The following RBM19 variants were observed in gnomAD, a reference collection of about 807,000 sequenced individuals.
RBM19 encodes the protein probable RNA-binding protein 19.
RBM19 carries 94 observed loss-of-function variants against 116.8 expected under a neutral mutation model. The observed-to-expected ratio is 0.80, with a 90% CI of 0.68 to 0.95. The LOEUF (loss-of-function observed/expected upper bound fraction) is 0.95, where lower values mean the gene tolerates loss of function less well. RBM19 is among the 40% of genes least tolerant of loss of function. The pLI is 0.00. For missense variants in RBM19, 1,161 were observed against 1,220.7 expected (o/e 0.95, Z 0.73); for synonymous variants, 475 against 494.1 (o/e 0.96, Z 0.51).
At chr12:113,914,138 A>C (rs959676580) in intron 21 of RBM19, among the ~76,000 whole-genome samples, 1 of 152,246 alleles carries the variant, frequency 6.6e-6, no homozygotes, top group African/African-American at 2.4e-5. Flanking sequence ...TTGTTTTTAA[A>C]AAGTGAATTA....
At chr12:113,901,396 CCTT>C (rs1881677216) in intron 21 of RBM19, among the ~76,000 whole-genome samples, 1 of 152,128 alleles carries the variant, frequency 6.6e-6, no homozygotes, top group Non-Finnish European at 1.5e-5. Flanking sequence ...GAGGATTCTA[CCTT>C]CTTTGACCCC....
downstream of RBM19, among the ~76,000 whole-genome samples, chr12:113,821,373 T>C (rs953495485): frequency 2.0e-5 from 3 of 152,042 alleles, no homozygotes; most frequent in African/African-American, 7.2e-5. Context: ...TGAGTACAAA[T>C]TGTATAGACC....
rs1881837711 is a variant in RBM19 at position 113,903,429 on chromosome 12, C to T, written c.2558+11540G>A. Reference sequence around the variant, plus strand: ...TATCCACTCATCAGCTGACAGACATCTGTTTTTGTGTGAACGTGAGTTGTC... The same window carrying T: ...TATCCACTCATCAGCTGACAGACATTTGTTTTTGTGTGAACGTGAGTTGTC... On this transcript the variant is annotated intron_variant, in intron 21 of 23. Transcript: ENST00000261741. This position sits in a 1 kb window ranked among gnomAD's most constrained non-coding sequence, Gnocchi z 5.1. Among the ~76,000 whole-genome samples, 1 of 152,190 alleles carries T rather than the reference C, an allele frequency of 6.6e-6. No individual in the cohort carries two copies. The highest frequency in any genetic ancestry group is 2.1e-4 in the South Asian group (1 of 4,828).
chr12:113,947,375 C>A lies in RBM19; in HGVS notation c.1366G>T (p.Ala456Ser), dbSNP rs780824297. 1.6e-5 allele frequency: 26 copies of A among 1,608,926 alleles called. No individual in the cohort carries two copies. Among genetic ancestry groups the A allele is most frequent in the South Asian group, 2.2e-5 (2 of 90,910 alleles). The change falls in exon 11 of 24, where the codon GCT (alanine) becomes TCT (serine). Residue 456 changes from alanine (A) to serine (S), a missense_variant. Physicochemically the swap from Ala to Ser is moderately conservative, Grantham distance 99 (BLOSUM62 1). Transcript: ENST00000261741. ...AFITFMFPEH[A>S]VKAYSEVDGQ... ...TCCACCTCCGAGTAGGCCTTCACAG[C>A]GTGCTCAGGGAACATGAAGGTGATG... is the stretch of plus-strand genomic sequence containing the variant.
intron 14 of RBM19, among the ~76,000 whole-genome samples, chr12:113,941,552 C>CCCATCCATCCATCCATCCATCCATCCAT (rs1197172785): frequency 0.082 from 12,424 of 151,358 alleles, 572 homozygotes; most frequent in East Asian, 0.14. Context: ...CATCTATCTA[C>CCCATCCATCCATCCATCCATCCATCCAT]CCATCCATCC....
chr12:113,959,817 C>T (rs1445638613), intron 4 of RBM19, 48 bp downstream of exon 4: 2 of 1,605,386 alleles, frequency 1.2e-6, no homozygotes, highest in Non-Finnish European at 1.7e-6. Context: ...CACCCTCTTC[C>T]ACCTGCTGCC....
chr12:113,950,331 T>C (rs565922540), intron 8 of RBM19, among the ~76,000 whole-genome samples, 177 bp from the exon 9 acceptor site: 1 of 152,246 alleles, frequency 6.6e-6, no homozygotes, highest in Non-Finnish European at 1.5e-5. Flanking sequence ...ACAGCCAAAT[T>C]TCCCTCTGCA....
chr12:113,947,188 A>C, intron 11 of RBM19, 146 bp downstream of exon 11: 1 of 1,048,486 alleles, frequency 9.5e-7, no homozygotes. Context: ...GGCTTGAGTG[A>C]GGCAGTGACT....
intron 21 of RBM19, among the ~76,000 whole-genome samples, chr12:113,874,685 C>G (rs956606331): frequency 2.0e-5 from 3 of 152,214 alleles, no homozygotes; most frequent in Non-Finnish European, 2.9e-5. Flanking sequence ...GAAAAAGAGG[C>G]TGAGGAGATG....
intron 23 of RBM19, among the ~76,000 whole-genome samples, chr12:113,831,254 C>CTG (rs1875384332): frequency 6.6e-6 from 1 of 152,200 alleles, no homozygotes; most frequent in African/African-American, 2.4e-5. Context: ...AGTGTGGTCT[C>CTG]TGCTCTTTTC....
At chr12:113,857,182 G>A (rs1243360924) in intron 22 of RBM19, among the ~76,000 whole-genome samples, 4 of 152,350 alleles carry the variant, frequency 2.6e-5, no homozygotes, top group South Asian at 4.1e-4. Context: ...GAATGCAGTG[G>A]AGAAAAGACG....
At chr12:113,850,451 C>T (rs759370598) in intron 22 of RBM19, among the ~76,000 whole-genome samples, 4 of 152,230 alleles carry the variant, frequency 2.6e-5, no homozygotes, top group Non-Finnish European at 4.4e-5. Context: ...GGCCTCCTGC[C>T]GCCTTTTCTG....
At position 113,920,500 on chromosome 12, in the gene RBM19, C is replaced by T. The variant is rs186527994; in HGVS notation, c.2385+111G>A. ...AGAGATCTGGGAAAAGCAATGGGCC[C>T]GGTCAAGTGTAGACTTCATACATAT... On this transcript the variant is annotated intron_variant, in intron 19 of 23. Coordinates refer to ENST00000261741, the MANE Select transcript of RBM19 (RefSeq NM_016196.4). 5.6e-5 allele frequency: 56 copies of T among 994,966 alleles called. No individual in the cohort carries two copies. The East Asian group carries it at 8.1e-4, about 14-fold the overall frequency. The allele number at this position is 994,966 out of a possible 1,614,324, so 61.6% of individuals were successfully genotyped here.
At chr12:113,886,617 G>A (rs768087699) in intron 21 of RBM19, among the ~76,000 whole-genome samples, 2 of 152,242 alleles carry the variant, frequency 1.3e-5, no homozygotes, top group Non-Finnish European at 2.9e-5. Context: ...CTGTGGTGTG[G>A]CCTTTCTCAG....
At chr12:113,830,711 G>A (rs112214066) in intron 23 of RBM19, among the ~76,000 whole-genome samples, 3,671 of 152,174 alleles carry the variant, frequency 0.024, 147 homozygotes, top group African/African-American at 0.084. Flanking sequence ...CACTGCAGAG[G>A]GAAAAGGGAA....
rs116838532 is a variant in RBM19, at chr12:113,922,180, C to T, written c.2306-1490G>A. On this transcript the variant is annotated intron_variant, in intron 18 of 23. Transcript: ENST00000261741. ...TTAATGCCCCTCCAGGCACGGCAGGCGGAAAGGCATTCTTCCTGTAGAGCC... is the reference window on the plus strand; with the variant it reads ...TTAATGCCCCTCCAGGCACGGCAGGTGGAAAGGCATTCTTCCTGTAGAGCC... Among the ~76,000 whole-genome samples, 849 of 152,242 alleles carry T rather than the reference C, an allele frequency of 5.6e-3. 9 individuals carry two copies. The highest frequency in any genetic ancestry group is 0.019 in the African/African-American group (785 of 41,534).
chr12:113,865,300 C>T (rs1279698700), intron 21 of RBM19, among the ~76,000 whole-genome samples: 1 of 152,176 alleles, frequency 6.6e-6, no homozygotes, highest in Non-Finnish European at 1.5e-5. Flanking sequence ...TTGACTCTTT[C>T]TTGCCATTCA....
At chr12:113,942,493 T>G in intron 13 of RBM19, 59 bp from the exon 14 acceptor site, 1 of 1,380,866 alleles carries the variant, frequency 7.2e-7, no homozygotes, top group Admixed American at 2.0e-5. Flanking sequence ...TTGCTGGCCC[T>G]CCCATCTCCC....
At chr12:113,880,248 T>C (rs1045266364) in intron 21 of RBM19, among the ~76,000 whole-genome samples, 1 of 152,134 alleles carries the variant, frequency 6.6e-6, no homozygotes. Context: ...TCAAATTAAA[T>C]GGGGAATCCT....
Sources: allele counts gnomAD v4.1 joint callset (sites outside exome capture counted in the v4.1 genomes callset), GRCh38; gene constraint gnomAD v4.1.1; non-coding constraint Gnocchi (gnomAD v3.1); transcripts MANE v1.5; gene names NCBI Gene and HGNC (gene_info 2026-07-23, HGNC 2026-07-21).